Variants in DNAAF9 observed in about 807,000 individuals in gnomAD.
DNAAF9 encodes the protein dynein axonemal assembly factor 9, also known as shulin.
A neutral mutation model predicts 167.0 loss-of-function variants in DNAAF9; 90 were observed. The ratio of observed to expected loss-of-function variants is 0.54; its 90% CI spans 0.45 to 0.64. DNAAF9 has a LOEUF of 0.64. Among genes scored for constraint, DNAAF9 ranks in the 30% least tolerant of loss-of-function variants. The pLI, the probability that DNAAF9 is intolerant of heterozygous loss-of-function variation, is 0.00. For synonymous variants in DNAAF9, 491 were observed against 508.8 expected (o/e 0.96, Z 0.47); for missense variants, 1,315 against 1,442.2 (o/e 0.91, Z 1.43).
intron 26 of DNAAF9, 146 bp downstream of exon 26, chr20:3,289,983 G>A (rs1333649200): frequency 1.2e-5 from 8 of 671,746 alleles, no homozygotes; most frequent in Non-Finnish European, 1.9e-5. Flanking sequence ...TACAGGAAGT[G>A]CTCAGAAGAG....
intron 10 of DNAAF9, 45 bp downstream of exon 10, chr20:3,340,459 C>T: frequency 8.7e-7 from 1 of 1,152,778 alleles, no homozygotes; most frequent in Non-Finnish European, 1.1e-6. Flanking sequence ...ACCCCCACAA[C>T]TTGATAATAA....
chr20:3,328,961 C>T (rs117981203), intron 12 of DNAAF9, among the ~76,000 whole-genome samples: 1 of 151,632 alleles, frequency 6.6e-6, no homozygotes, highest in African/African-American at 2.4e-5. Context: ...CCTCTGTATC[C>T]CAGGTTCAAG....
In DNAAF9 at chr20:3,381,458, T is replaced by C; in HGVS notation, c.204A>G (p.Ala68=). ...TGTACAAACCAAATAGAAGATAATT[T>C]GCCAGCTCTCTGCAGCCTTCATTGT... ...SRYNEGCREL[A]NYLLFGLYNQ... Residue 68 remains alanine (A), a synonymous_variant, in exon 3 of 37, where the codon GCA becomes GCG. Coordinates refer to ENST00000252032, the MANE Select transcript of DNAAF9 (RefSeq NM_001009984.3). The C allele has an allele frequency of 6.2e-7, 1 of 1,613,870 alleles. No homozygotes were observed. The highest frequency in any genetic ancestry group is 8.5e-7 in the Non-Finnish European group (1 of 1,179,840).
In DNAAF9 at chr20:3,260,026, T is replaced by C. The variant is rs757685587; in HGVS notation, c.2876A>G (p.Tyr959Cys). Reference sequence around the variant, plus strand: ...TGATCCAGCATTCAATTTACCTTCATACCTTAAAAGGTTTAAAAAATTTTA... The same window carrying C: ...TGATCCAGCATTCAATTTACCTTCACACCTTAAAAGGTTTAAAAAATTTTA... Reference protein sequence around the residue: ...RSRYLMYPGWYEGKLNAGSVY... With the variant: ...RSRYLMYPGWCEGKLNAGSVY... Residue 959 changes from tyrosine (Y) to cysteine (C), a missense_variant and splice_region_variant, in exon 32 of 37, where the codon TAT (tyrosine) becomes TGT (cysteine). Tyr to Cys is a radical substitution (Grantham distance 194). Coordinates refer to ENST00000252032, the MANE Select transcript of DNAAF9 (RefSeq NM_001009984.3). 3 of 1,590,582 alleles carry C rather than the reference T, an allele frequency of 1.9e-6. No homozygotes were observed. The highest frequency in any genetic ancestry group is 2.6e-6 in the Non-Finnish European group (3 of 1,158,568).
chr20:3,380,951 G>C lies in DNAAF9; in HGVS notation c.283+428C>G, dbSNP rs79286462. Reference sequence around the variant, plus strand: ...TAATTCCCAAAGACAGCAGGACAAAGAGCCTTTGTTCCTCAGCTGATAAGC... The same window carrying C: ...TAATTCCCAAAGACAGCAGGACAAACAGCCTTTGTTCCTCAGCTGATAAGC... On this transcript the variant is annotated intron_variant, in intron 3 of 36. Transcript: ENST00000252032. 6.0e-3 allele frequency among the ~76,000 whole-genome samples: 913 copies of C among 152,308 alleles called. 4 individuals carry two copies. Among genetic ancestry groups the C allele is most frequent in the Non-Finnish European group, 9.1e-3 (618 of 68,018 alleles).
intron 9 of DNAAF9, among the ~76,000 whole-genome samples, chr20:3,341,061 T>C (rs1409034786): frequency 6.6e-6 from 1 of 152,072 alleles, no homozygotes; most frequent in Non-Finnish European, 1.5e-5. Context: ...CCTGAGTAAC[T>C]TTCAATAGGG....
intron 1 of DNAAF9, among the ~76,000 whole-genome samples, chr20:3,384,876 C>G (rs1377877616): frequency 7.9e-5 from 12 of 151,894 alleles, no homozygotes. Context: ...AAAACTGATG[C>G]AGAAAAATCA....
At chr20:3,311,626 A>G (rs2069415030) in intron 20 of DNAAF9, among the ~76,000 whole-genome samples, 1 of 152,234 alleles carries the variant, frequency 6.6e-6, no homozygotes, top group Admixed American at 6.5e-5. Flanking sequence ...CTATAGGGCC[A>G]TGAAAATGAG....
intron 6 of DNAAF9, among the ~76,000 whole-genome samples, chr20:3,365,487 G>A (rs1483101691): frequency 6.6e-6 from 1 of 152,040 alleles, no homozygotes; most frequent in Non-Finnish European, 1.5e-5. Context: ...TGCCTCCCGG[G>A]TTCAAGCGAT....
intron 1 of DNAAF9, among the ~76,000 whole-genome samples, chr20:3,397,978 C>G (rs1302868214): frequency 6.6e-6 from 1 of 152,196 alleles, no homozygotes; most frequent in Non-Finnish European, 1.5e-5. Context: ...GACTATACTC[C>G]TCTCAGCACA....
chr20:3,352,283 C>T (rs1351969159), intron 7 of DNAAF9, among the ~76,000 whole-genome samples: 2 of 152,094 alleles, frequency 1.3e-5, no homozygotes, highest in Non-Finnish European at 1.5e-5. Context: ...TGCCTCGGCC[C>T]GATAAACCAA....
At chr20:3,336,784 T>G (rs777176287) in intron 10 of DNAAF9, among the ~76,000 whole-genome samples, 28 of 151,990 alleles carry the variant, frequency 1.8e-4, no homozygotes, top group Non-Finnish European at 3.7e-4. Flanking sequence ...ACTCCTGACC[T>G]CAGGTAATCC....
intron 3 of DNAAF9, 106 bp from the exon 4 acceptor site, chr20:3,376,408 G>A (rs1177578201): frequency 1.1e-6 from 1 of 894,262 alleles, no homozygotes; most frequent in Non-Finnish European, 1.6e-6. Context: ...CAGAGACAAT[G>A]TAACAAAACT....
chr20:3,379,037 C>T (rs2083611684), intron 3 of DNAAF9, among the ~76,000 whole-genome samples: 1 of 151,834 alleles, frequency 6.6e-6, no homozygotes, highest in African/African-American at 2.4e-5. Context: ...AAGAGCCCTT[C>T]CCTGAGTCAT....
intron 6 of DNAAF9, chr20:3,361,823 G>A: frequency 7.2e-7 from 1 of 1,392,330 alleles, no homozygotes; most frequent in Admixed American, 1.9e-5. Context: ...GAAAAATGAA[G>A]ACTGCTTAAA....
In DNAAF9 at chr20:3,407,546, G is replaced by C; in HGVS notation, c.12C>G (p.Tyr4Ter). MDV[Y>*]PPRRQGLPRA... The stretch of plus-strand genomic sequence containing the variant: ...GGGGCAGCCCCTGCCGGCGCGGGGG[G>C]TACACGTCCATGGCGGCGGACGACT... Residue 4 changes from tyrosine to a stop codon, truncating the protein, a stop_gained, in exon 1 of 37, where the codon TAC becomes TAG. Coordinates refer to ENST00000252032, the MANE Select transcript of DNAAF9 (RefSeq NM_001009984.3). LOFTEE classifies it high-confidence loss of function. 8.0e-7 allele frequency: 1 copy of C among 1,250,748 alleles called. No individual in the cohort carries two copies. Among genetic ancestry groups the C allele is most frequent in the Non-Finnish European group, 1.0e-6 (1 of 1,000,614 alleles). The allele number at this position is 1,250,748 out of a possible 1,614,324, so 77.5% of individuals were successfully genotyped here. A position where few individuals can be genotyped will look rare whatever the true frequency, so the allele number is the denominator to read the frequency against.
chr20:3,285,166 C>G (rs1251330942), intron 27 of DNAAF9, among the ~76,000 whole-genome samples: 1 of 152,214 alleles, frequency 6.6e-6, no homozygotes, highest in Non-Finnish European at 1.5e-5. Context: ...CCCACCGCTT[C>G]ACTAAATTGA....
chr20:3,350,681 C>T (rs1178209273), intron 7 of DNAAF9, among the ~76,000 whole-genome samples: 1 of 152,058 alleles, frequency 6.6e-6, no homozygotes, highest in Non-Finnish European at 1.5e-5. Context: ...AAAGATAAGG[C>T]TGGGATATCT....
intron 9 of DNAAF9, among the ~76,000 whole-genome samples, chr20:3,342,526 T>C (rs2070107227): frequency 6.6e-6 from 1 of 152,190 alleles, no homozygotes; most frequent in African/African-American, 2.4e-5. Context: ...GATGACTCTA[T>C]CCTCTATCTT....
Sources: gnomAD v4.1 joint callset for allele counts (sites outside exome capture counted in the v4.1 genomes callset) on GRCh38, gnomAD v4.1.1 for gene constraint, MANE v1.5 for transcripts, NCBI Gene and HGNC (gene_info 2026-07-23, HGNC 2026-07-21) for gene names.